The following DRC10 variants were observed in gnomAD, a reference collection of about 807,000 sequenced individuals.
The protein encoded by DRC10 is dynein regulatory complex subunit 10.
chr12:113,205,957 C>G, the DRC10 span: 18 of 150,390 alleles, frequency 1.2e-4, no homozygotes, highest in African/African-American at 4.4e-4. Flanking sequence ...TGACTCACGC[C>G]TGTAATCCCA....
the DRC10 span, among the ~76,000 whole-genome samples, chr12:113,213,664 A>T: frequency 6.6e-6 from 1 of 152,196 alleles, no homozygotes; most frequent in Non-Finnish European, 1.5e-5. Context: ...TCTTGATTTT[A>T]AGATTGACTT....
chr12:113,199,429 C>T, the DRC10 span, among the ~76,000 whole-genome samples: 2 of 139,034 alleles, frequency 1.4e-5, no homozygotes, highest in Non-Finnish European at 3.1e-5. Flanking sequence ...AATAAATAAA[C>T]CCCCTAATCC....
chr12:113,200,529 T>TA, the DRC10 span: 10 of 559,284 alleles, frequency 1.8e-5, no homozygotes, highest in Non-Finnish European at 3.0e-5. Context: ...GTCCCACCCA[T>TA]CCCCCCCACC....
the DRC10 span, chr12:113,197,517 A>G: frequency 6.8e-7 from 1 of 1,478,944 alleles, no homozygotes; most frequent in Non-Finnish European, 9.1e-7. Flanking sequence ...AGCATGCGAG[A>G]GAGACTTATT....
chr12:113,207,991 G>C, the DRC10 span: 1 of 1,614,062 alleles, frequency 6.2e-7, no homozygotes, highest in South Asian at 1.1e-5. Context: ...CTTGTAGATC[G>C]CCTCATCCAG....
the DRC10 span, chr12:113,207,046 TGA>T: frequency 2.9e-6 from 1 of 346,696 alleles, no homozygotes; most frequent in African/African-American, 2.2e-5. Flanking sequence ...GGCAACAGAG[TGA>T]GACCCTGTCT....
the DRC10 span, among the ~76,000 whole-genome samples, chr12:113,208,927 TG>T: frequency 6.6e-6 from 1 of 152,094 alleles, no homozygotes; most frequent in African/African-American, 2.4e-5. Context: ...TAAAGTTTTT[TG>T]GTTTGTTTGT....
the DRC10 span, among the ~76,000 whole-genome samples, chr12:113,218,333 G>A: frequency 6.6e-6 from 1 of 151,730 alleles, no homozygotes; most frequent in African/African-American, 2.4e-5. Context: ...TAGTAGAGAC[G>A]GGGTTTCTCC....
At chr12:113,201,140 C>CA in the DRC10 span, among the ~76,000 whole-genome samples, 1,723 of 144,712 alleles carry the variant, frequency 0.012, 28 homozygotes, top group African/African-American at 0.04. Context: ...GATTCCATCT[C>CA]AAAAAAAAAA....
At chr12:113,214,700 TG>T in the DRC10 span, among the ~76,000 whole-genome samples, 1 of 152,124 alleles carries the variant, frequency 6.6e-6, no homozygotes, top group Non-Finnish European at 1.5e-5. Context: ...CATATTTTCA[TG>T]ATAGAACTGT....
At chr12:113,201,734 C>T in the DRC10 span, among the ~76,000 whole-genome samples, 18 of 152,340 alleles carry the variant, frequency 1.2e-4, no homozygotes, top group African/African-American at 3.1e-4. Context: ...GCTATGGCTG[C>T]TCACGCCACC....
the DRC10 span, among the ~76,000 whole-genome samples, chr12:113,204,229 T>C: frequency 6.6e-6 from 1 of 152,250 alleles, no homozygotes; most frequent in Non-Finnish European, 1.5e-5. Context: ...AGCAAGATCT[T>C]GTCTCTAAAA....
the DRC10 span, among the ~76,000 whole-genome samples, chr12:113,204,613 A>G: frequency 6.6e-6 from 1 of 152,270 alleles, no homozygotes; most frequent in Non-Finnish European, 1.5e-5. Context: ...TGTTTTTACT[A>G]TCTGGCCCTT....
At chr12:113,200,667 G>C in the DRC10 span, 1 of 1,536,190 alleles carries the variant, frequency 6.5e-7, no homozygotes, top group Non-Finnish European at 8.7e-7. Flanking sequence ...GCTGGATCTT[G>C]GCCACCCTGG....
the DRC10 span, among the ~76,000 whole-genome samples, chr12:113,212,156 T>C: frequency 6.6e-6 from 1 of 151,650 alleles, no homozygotes; most frequent in Non-Finnish European, 1.5e-5. Context: ...CTGCAACCTC[T>C]GCCTCCCAGG....
the DRC10 span, among the ~76,000 whole-genome samples, chr12:113,197,113 A>C: frequency 1.3e-5 from 2 of 149,308 alleles, no homozygotes; most frequent in African/African-American, 4.9e-5. Flanking sequence ...CATCCAGAGG[A>C]GTATGGGATG....
At chr12:113,220,845 C>G in the DRC10 span, among the ~76,000 whole-genome samples, 1 of 152,122 alleles carries the variant, frequency 6.6e-6, no homozygotes, top group Non-Finnish European at 1.5e-5. Flanking sequence ...AGCGAAAGGT[C>G]CAGACTAAGG....
the DRC10 span, chr12:113,203,182 C>T: frequency 5.1e-5 from 17 of 333,644 alleles, no homozygotes; most frequent in Admixed American, 1.8e-4. Flanking sequence ...CATACCACCA[C>T]GCCCAGCTAA....
the DRC10 span, chr12:113,207,738 T>G: frequency 6.2e-7 from 1 of 1,614,124 alleles, no homozygotes; most frequent in Non-Finnish European, 8.5e-7. Flanking sequence ...GCTGCATAAG[T>G]GGTGAGAGGC....
Sources: allele counts gnomAD v4.1 joint callset (sites outside exome capture counted in the v4.1 genomes callset), GRCh38; gene constraint gnomAD v4.1.1; transcripts MANE v1.5; gene names NCBI Gene and HGNC (gene_info 2026-07-23, HGNC 2026-07-21).